Variants in RAB3GAP1 observed in about 807,000 individuals in gnomAD.
The protein encoded by RAB3GAP1 is RAB3 GTPase activating protein catalytic subunit 1.
RAB3GAP1 carries 86 observed loss-of-function variants against 130.7 expected under a neutral mutation model. The ratio of observed to expected loss-of-function variants is 0.66; its 90% CI spans 0.55 to 0.79. The LOEUF (loss-of-function observed/expected upper bound fraction) is 0.79. Among genes scored for constraint, RAB3GAP1 ranks in the 30% least tolerant of loss-of-function variants. The pLI is 0.00. For synonymous variants in RAB3GAP1, 367 were observed against 401.7 expected, an observed-to-expected ratio of 0.91 and a Z score of 1.03; for missense variants, 1,029 against 1,169.4, an observed-to-expected ratio of 0.88 and a Z score of 1.75.
intron 3 of RAB3GAP1, 61 bp downstream of exon 3, chr2:135,058,147 C>T: frequency 7.3e-7 from 1 of 1,372,152 alleles, no homozygotes; most frequent in Non-Finnish European, 1.0e-6. Flanking sequence ...TATTTTCCAG[C>T]CCTTTGCTGC....
chr2:135,059,499 T>TTAG (rs1188914248), intron 3 of RAB3GAP1, among the ~76,000 whole-genome samples: 1 of 152,146 alleles, frequency 6.6e-6, no homozygotes, highest in Non-Finnish European at 1.5e-5. Flanking sequence ...AAATTTTATT[T>TTAG]TATTATTATT....
At chr2:135,085,914 T>C (rs995339598) in intron 3 of RAB3GAP1, among the ~76,000 whole-genome samples, 4 of 152,200 alleles carry the variant, frequency 2.6e-5, no homozygotes, top group African/African-American at 7.2e-5. Flanking sequence ...CCCAGAAAGA[T>C]TGCTTGTTTC....
At chr2:135,130,479 C>A in intron 12 of RAB3GAP1, 73 bp from the exon 13 acceptor site, 2 of 1,233,986 alleles carry the variant, frequency 1.6e-6, no homozygotes, top group Non-Finnish European at 1.2e-6. Context: ...TCTATATAAT[C>A]ATCAATTTGT....
intron 17 of RAB3GAP1, among the ~76,000 whole-genome samples, chr2:135,146,443 C>T (rs749192155): frequency 5.9e-5 from 9 of 152,034 alleles, no homozygotes; most frequent in Non-Finnish European, 1.2e-4. Context: ...AACTCCTGAC[C>T]TCAAGTGATC....
At chr2:135,089,535 A>T (rs1690082735) in intron 3 of RAB3GAP1, 1 of 152,470 alleles carries the variant, frequency 6.6e-6, no homozygotes, top group African/African-American at 2.4e-5. Context: ...CTGTTTGTCC[A>T]TTTGTTTGTG....
chr2:135,131,009 T>A (rs989037877), intron 13 of RAB3GAP1, among the ~76,000 whole-genome samples: 1 of 152,082 alleles, frequency 6.6e-6, no homozygotes, highest in Non-Finnish European at 1.5e-5. Context: ...AGAGGGACAT[T>A]TGAGCTGAAT....
rs576369371 is a variant in RAB3GAP1, at chr2:135,105,665, A to G, written c.363-7486A>G. On this transcript the variant is annotated intron_variant, in intron 5 of 23. Coordinates refer to ENST00000264158, the MANE Select transcript of RAB3GAP1 (RefSeq NM_012233.3). Reference sequence around the variant, plus strand: ...TGCCCGGCCGCCACCCCATCTGGGAAGTGAGGAGCGTCTCTGCCTGGCCGC... The same window carrying G: ...TGCCCGGCCGCCACCCCATCTGGGAGGTGAGGAGCGTCTCTGCCTGGCCGC... Among the ~76,000 whole-genome samples the G allele has an allele frequency of 2.6e-3, 392 of 151,046 alleles. 1 individual carries two copies. Among genetic ancestry groups the G allele is most frequent in the African/African-American group, 8.8e-3 (364 of 41,142 alleles).
At chr2:135,124,006 T>C (rs2104932623) in intron 8 of RAB3GAP1, 159 bp from the exon 9 acceptor site, 2 of 634,670 alleles carry the variant, frequency 3.2e-6, no homozygotes, top group Middle Eastern at 4.3e-4. Flanking sequence ...AAGTCAAATA[T>C]TGTTAGACTA....
chr2:135,139,998 G>A (rs1164779173), intron 17 of RAB3GAP1, among the ~76,000 whole-genome samples: 1 of 151,886 alleles, frequency 6.6e-6, no homozygotes, highest in Non-Finnish European at 1.5e-5. Context: ...GTACTCTTTC[G>A]TTGTATAATC....
Position 135,126,670 on chromosome 2 carries a change from T to C in RAB3GAP1, c.973+14T>C. 6.3e-7 allele frequency: 1 copy of C among 1,594,482 alleles called. No homozygotes were observed. Among genetic ancestry groups the C allele is most frequent in the Non-Finnish European group, 8.6e-7 (1 of 1,162,168 alleles). ...AGTGTTTGCTAGGTAAGGTATATTATGCTCCTTTCCTGAAATACTGCTGAT... is the reference window on the plus strand; with the variant it reads ...AGTGTTTGCTAGGTAAGGTATATTACGCTCCTTTCCTGAAATACTGCTGAT... On this transcript the variant is annotated intron_variant, in intron 11 of 23. Coordinates refer to ENST00000264158, the MANE Select transcript of RAB3GAP1 (RefSeq NM_012233.3).
chr2:135,092,987 T>C (rs1690189460), intron 4 of RAB3GAP1, among the ~76,000 whole-genome samples: 1 of 152,196 alleles, frequency 6.6e-6, no homozygotes, highest in African/African-American at 2.4e-5. Context: ...TCATTAGCAT[T>C]CTCTTTAGTC....
chr2:135,169,863 A>G lies in RAB3GAP1; in HGVS notation c.*1082A>G, dbSNP rs1692796201. 4.9e-6 allele frequency: 2 copies of G among 407,776 alleles called. No homozygotes were observed. The highest frequency in any genetic ancestry group is 2.8e-5 in the Admixed American group (1 of 35,462). 25.3% of individuals were successfully genotyped at this position (407,776 alleles called of 1,614,324 possible). A position where few individuals can be genotyped will look rare whatever the true frequency, so the allele number is the denominator to read the frequency against. On this transcript the variant is annotated 3_prime_UTR_variant, in exon 24 of 24. Coordinates refer to ENST00000264158, the MANE Select transcript of RAB3GAP1 (RefSeq NM_012233.3). ...GCCTCTGCTTGGTAATCTTATTTTTAGGCCTAAAATTCCCACTTAAATCCA... is the reference window on the plus strand; with the variant it reads ...GCCTCTGCTTGGTAATCTTATTTTTGGGCCTAAAATTCCCACTTAAATCCA...
intron 11 of RAB3GAP1, 79 bp from the exon 12 acceptor site, chr2:135,129,916 G>A: frequency 1.1e-6 from 1 of 948,782 alleles, no homozygotes; most frequent in Non-Finnish European, 1.7e-6. Context: ...AGCTTTTGTG[G>A]AAAGATGTAC....
At chr2:135,058,115 T>TTA in intron 3 of RAB3GAP1, 29 bp downstream of exon 3, 1 of 1,561,670 alleles carries the variant, frequency 6.4e-7, no homozygotes. Context: ...TGTCTCTAAA[T>TTA]GACTATTTAC....
intron 3 of RAB3GAP1, among the ~76,000 whole-genome samples, chr2:135,088,399 T>C (rs1438466664): frequency 5.9e-5 from 9 of 152,040 alleles, no homozygotes; most frequent in Non-Finnish European, 8.8e-5. Flanking sequence ...AAAAAAATTA[T>C]GATTTTTGGC....
intron 3 of RAB3GAP1, among the ~76,000 whole-genome samples, chr2:135,062,571 A>G (rs1689206838): frequency 6.6e-6 from 1 of 152,258 alleles, no homozygotes; most frequent in Non-Finnish European, 1.5e-5. Flanking sequence ...AAAAAGGAGT[A>G]TGATTATGCT....
At position 135,129,944 on chromosome 2, in the gene RAB3GAP1, AT is replaced by A. The variant is rs112212040; in HGVS notation, c.974-38del. On this transcript the variant is annotated intron_variant, in intron 11 of 23. Coordinates refer to ENST00000264158, the MANE Select transcript of RAB3GAP1 (RefSeq NM_012233.3). Reference sequence around the variant, plus strand: ...AGATGTACTTTAATTTATAGGACTGATTTTTTTTTTTTTCAGTTAAGTGTCA... The same window carrying A: ...AGATGTACTTTAATTTATAGGACTGATTTTTTTTTTTTCAGTTAAGTGTCA... 0.2 allele frequency: 161,903 copies of A among 803,058 alleles called. 824 individuals are homozygous for A. Among genetic ancestry groups the A allele is most frequent in the South Asian group, 0.25 (12,211 of 48,794 alleles). 49.7% of individuals were successfully genotyped at this position (803,058 alleles called of 1,614,324 possible). A position where few individuals can be genotyped will look rare whatever the true frequency, so the allele number is the denominator to read the frequency against.
chr2:135,065,839 C>T (rs1196965953), intron 3 of RAB3GAP1, among the ~76,000 whole-genome samples: 4 of 145,764 alleles, frequency 2.7e-5, no homozygotes, highest in South Asian at 2.1e-4. Context: ...TGCGCGATCT[C>T]GGCTCACTGC....
chr2:135,115,354 T>A lies in RAB3GAP1; in HGVS notation c.621T>A (p.Gly207=). 1 of 1,612,626 alleles carries A rather than the reference T, an allele frequency of 6.2e-7. No homozygotes were observed. Among genetic ancestry groups the A allele is most frequent in the Non-Finnish European group, 8.5e-7 (1 of 1,178,702 alleles). The change falls in exon 7 of 24, where the codon GGT becomes GGA. Residue 207 remains glycine (G), a synonymous_variant. Coordinates refer to ENST00000264158, the MANE Select transcript of RAB3GAP1 (RefSeq NM_012233.3). ...CAAATCAGTACACTCACTTATCAGG[T>A]CTGCTGGATATCTTCAAATCAAAGA... ...KVPNQYTHLS[G]LLDIFKSKIG...
Sources: allele counts gnomAD v4.1 joint callset (sites outside exome capture counted in the v4.1 genomes callset), GRCh38; gene constraint gnomAD v4.1.1; transcripts MANE v1.5; gene names NCBI Gene and HGNC (gene_info 2026-07-23, HGNC 2026-07-21).